Variants in KIRREL2 observed in about 807,000 individuals in gnomAD.
KIRREL2 encodes kin of IRRE-like protein 2.
In KIRREL2, 56 loss-of-function variants were observed where a neutral mutation model predicts 73.4. The ratio of observed to expected loss-of-function variants is 0.76; its 90% CI spans 0.62 to 0.95. The LOEUF is 0.95. KIRREL2 is among the 40% of genes least tolerant of loss of function. KIRREL2 has a pLI of 0.00. For missense variants in KIRREL2, 896 were observed against 935.0 expected, an observed-to-expected ratio of 0.96 and a Z score of 0.54; for synonymous variants, 407 against 404.0, an observed-to-expected ratio of 1.01 and a Z score of -0.09.
chr19:35,866,337 AG>A lies in KIRREL2; in HGVS notation c.1975del (p.Ala659GlnfsTer72), dbSNP rs771368887. The part of the protein sequence containing the change: ...MVPPCRLYRA[R>X]AGYLTTPHPR... ...CCCCCCCTGCAGACTTTACAGAGCC[AG>A]GGCAGGCTATCTCACCACACCCCAC... On this transcript the variant is annotated frameshift_variant, in exon 15 of 15. Coordinates refer to ENST00000360202, the MANE Select transcript of KIRREL2 (RefSeq NM_199180.4). LOFTEE classifies it high-confidence loss of function. 4 of 1,610,154 alleles carry A rather than the reference AG, an allele frequency of 2.5e-6. No individual in the cohort carries two copies. Among genetic ancestry groups the A allele is most frequent in the Non-Finnish European group, 1.7e-6 (2 of 1,177,928 alleles).
chr19:35,861,616 T>C lies in KIRREL2; in HGVS notation c.1265T>C (p.Phe422Ser), dbSNP rs748818561. 6.2e-7 allele frequency: 1 copy of C among 1,613,672 alleles called. No homozygotes were observed. The highest frequency in any genetic ancestry group is 8.5e-7 in the Non-Finnish European group (1 of 1,179,856). ...CCTGCTCGCCTCCAGTGTCTGGTTT[T>C]CGCCTCTCCCGCCCCAGATGCCGTG... ...RGPARLQCLV[F>S]ASPAPDAVVW... Residue 422 changes from phenylalanine to serine, a missense_variant, in exon 10 of 15, where the codon TTC becomes TCC. Physicochemically the swap from Phe to Ser is radical, Grantham distance 155. Transcript: ENST00000360202.
At chr19:35,866,113 C>T (rs779553855) in intron 14 of KIRREL2, 44 bp from the exon 15 acceptor site, 14 of 1,575,058 alleles carry the variant, frequency 8.9e-6, no homozygotes, top group Admixed American at 4.2e-5. Flanking sequence ...CCTCATCCCC[C>T]CTGCACGCTC....
At chr19:35,861,740 C>G in intron 10 of KIRREL2, 65 bp from the exon 11 acceptor site, 1 of 1,584,892 alleles carries the variant, frequency 6.3e-7, no homozygotes. Context: ...ACTTCCCAGA[C>G]ATCCCTCCTG....
rs771567486 is a variant in KIRREL2 at position 35,857,345 on chromosome 19, G to A, written c.62G>A (p.Gly21Asp). ...VLLFCFRGRA[G>D]PSPHFLQQPE... is the part of the protein sequence containing the mutation. ...GCCCTGCTGCCCCGAACTCTCCTAG[G>A]CCCGTCGCCCCATTTCCTGCAACAG... Residue 21 changes from glycine (G) to aspartate (D), a missense_variant and splice_region_variant, in exon 2 of 15, where the codon GGC (glycine) becomes GAC (aspartate). Gly to Asp is a moderately conservative substitution (Grantham distance 94). Transcript: ENST00000360202. The A allele has an allele frequency of 4.3e-6, 7 of 1,612,226 alleles. No homozygotes were observed. In the African/African-American group the frequency reaches 6.7e-5, roughly 15 times the overall value.
chr19:35,857,096 A>C lies in KIRREL2; in HGVS notation c.-24A>C. 6.2e-7 allele frequency: 1 copy of C among 1,613,760 alleles called. No individual in the cohort carries two copies. Among genetic ancestry groups the C allele is most frequent in the African/African-American group, 1.3e-5 (1 of 74,978 alleles). On this transcript the variant is annotated 5_prime_UTR_variant, in exon 1 of 15. Transcript: ENST00000360202. ...TGACGGGAAGGCCAGTGCGACGGCA[A>C]ATCTCGTGAACCTTGGGGGACGAAT...
At chr19:35,851,600 A>C (rs756017240), upstream of KIRREL2, 3 of 1,613,956 alleles carry the variant, frequency 1.9e-6, no homozygotes, top group Non-Finnish European at 1.7e-6. Context: ...GGCCCCCTCC[A>C]CCACCGTCAG....
chr19:35,859,662 T>C (rs775181739), intron 5 of KIRREL2, 31 bp downstream of exon 5: 150 of 1,609,188 alleles, frequency 9.3e-5, no homozygotes, highest in Non-Finnish European at 1.0e-4. Context: ...GAAAGAGGGG[T>C]GTGGGGCCCT....
chr19:35,861,163 GC>G lies in KIRREL2; in HGVS notation c.1101del (p.Glu368ArgfsTer26). On this transcript the variant is annotated frameshift_variant, in exon 9 of 15. Transcript: ENST00000360202. LOFTEE classifies it high-confidence loss of function. ...CCACACTGCGTCTTCCGTCGGTGGG[GC>G]CCGAGGACGCAGGCGACTATGTGTG... The part of the protein sequence containing the change: ...GATLRLPSVG[P>X]EDAGDYVCRA... 6.3e-7 allele frequency: 1 copy of G among 1,589,134 alleles called. No individual in the cohort carries two copies.
rs1416124689 is a variant in KIRREL2, at chr19:35,866,265, C to T, written c.1900C>T (p.Pro634Ser). ...FLPPPSPLGPPGTPTFYDFNP... is the reference protein window; with the variant it reads ...FLPPPSPLGPSGTPTFYDFNP... ...GCCACCACCCTCCCCCCTTGGGCCC[C>T]CAGGGACCCCTACCTTCTATGACTT... The change falls in exon 15 of 15, where the codon CCA becomes TCA. Residue 634 changes from proline to serine, a missense_variant. Physicochemically the swap from Pro to Ser is moderately conservative, Grantham distance 74. Coordinates refer to ENST00000360202, the MANE Select transcript of KIRREL2 (RefSeq NM_199180.4). 2.5e-6 allele frequency: 4 copies of T among 1,611,894 alleles called. No homozygotes were observed. The African/African-American group carries it at 5.3e-5, about 22-fold the overall frequency.
At chr19:35,853,752 G>A (rs1224800146), upstream of KIRREL2, among the ~76,000 whole-genome samples, 1 of 151,160 alleles carries the variant, frequency 6.6e-6, no homozygotes, top group African/African-American at 2.4e-5. Flanking sequence ...GCTCATTGAA[G>A]CCTCAAACCT....
Position 35,861,250 on chromosome 19 carries a change from G to A in KIRREL2, c.1185G>A (p.Val395=), listed in dbSNP as rs756537686. Residue 395 remains valine, a synonymous_variant, in exon 9 of 15, where the codon GTG becomes GTA. Transcript: ENST00000360202. ...RGGAAEARLT[V]NAPPVVTALH... is the part of the protein sequence containing the mutation. The stretch of plus-strand genomic sequence containing the variant: ...GCGCCGCGGAGGCTCGGCTGACTGT[G>A]AACGGTGAGAAGGCGGGGCTTCCTA... 6.5e-7 allele frequency: 1 copy of A among 1,529,170 alleles called. No individual in the cohort carries two copies. Among genetic ancestry groups the A allele is most frequent in the South Asian group, 1.3e-5 (1 of 78,450 alleles). The allele number at this position is 1,529,170 out of a possible 1,614,324, so 94.7% of individuals were successfully genotyped here.
chr19:35,866,897 TACCAGGCCCC>T lies in KIRREL2; in HGVS notation c.*409_*418del, dbSNP rs954031555. 2.2e-5 allele frequency: 5 copies of T among 229,858 alleles called. No homozygotes were observed. Among genetic ancestry groups the T allele is most frequent in the Non-Finnish European group, 4.2e-5 (5 of 119,876 alleles). The allele number at this position is 229,858 out of a possible 1,614,324, so 14.2% of individuals were successfully genotyped here. A position where few individuals can be genotyped will look rare whatever the true frequency, so the allele number is the denominator to read the frequency against. On this transcript the variant is annotated 3_prime_UTR_variant, in exon 15 of 15. Transcript: ENST00000360202. Reference sequence around the variant, plus strand: ...ATAGGATAGATGAAGATGAAGAGCATACCAGGCCCCACCCTGGCTCTCCCTGAGGGGAACT... The same window carrying T: ...ATAGGATAGATGAAGATGAAGAGCATACCCTGGCTCTCCCTGAGGGGAACT...
At chr19:35,861,389 G>T in intron 9 of KIRREL2, 135 bp downstream of exon 9, 2 of 1,473,066 alleles carry the variant, frequency 1.4e-6, no homozygotes, top group Non-Finnish European at 1.8e-6. Context: ...CGGACCTATT[G>T]AAGGCGAGGC....
Position 35,866,731 on chromosome 19 carries a change from T to A in KIRREL2, c.*239T>A, listed in dbSNP as rs1037104129. The A allele has an allele frequency of 3.4e-6, 2 of 590,914 alleles. No homozygotes were observed. The highest frequency in any genetic ancestry group is 3.8e-5 in the African/African-American group (2 of 53,122). 36.6% of individuals were successfully genotyped at this position (590,914 alleles called of 1,614,324 possible). A position where few individuals can be genotyped will look rare whatever the true frequency, so the allele number is the denominator to read the frequency against. On this transcript the variant is annotated 3_prime_UTR_variant, in exon 15 of 15. Transcript: ENST00000360202. ...ACCTATTCCCCGGTGTAAAAGAGATTCAAGATGGCAGGTAGGCCCTTTGAG... is the reference window on the plus strand; with the variant it reads ...ACCTATTCCCCGGTGTAAAAGAGATACAAGATGGCAGGTAGGCCCTTTGAG...
chr19:35,862,683 C>A, intron 12 of KIRREL2, 86 bp downstream of exon 12: 1 of 1,019,336 alleles, frequency 9.8e-7, no homozygotes, highest in Non-Finnish European at 1.5e-6. Flanking sequence ...GGCCTTGGGC[C>A]TTGGCTCCAG....
Position 35,858,530 on chromosome 19 carries a change from TCCAGACCAGCCCA to T in KIRREL2, c.335_347del (p.Ser112TyrfsTer29). On this transcript the variant is annotated frameshift_variant, in exon 3 of 15. Coordinates refer to ENST00000360202, the MANE Select transcript of KIRREL2 (RefSeq NM_199180.4). LOFTEE classifies it high-confidence loss of function. Reference sequence around the variant, plus strand: ...TCAGGCTACACAAGCAGGCCTCCGCTCCAGACCAGCCCAACTGCACGTGCTGGGTAAGGACCTC... The same window carrying T: ...TCAGGCTACACAAGCAGGCCTCCGCTACTGCACGTGCTGGGTAAGGACCTC... 6.2e-7 allele frequency: 1 copy of T among 1,614,086 alleles called. No homozygotes were observed. Among genetic ancestry groups the T allele is most frequent in the Non-Finnish European group, 8.5e-7 (1 of 1,180,028 alleles).
upstream of KIRREL2, among the ~76,000 whole-genome samples, chr19:35,856,344 G>A (rs1973423315): frequency 6.6e-6 from 1 of 152,252 alleles, no homozygotes; most frequent in Non-Finnish European, 1.5e-5. The surrounding 1 kb of genome is among the most constrained non-coding windows in gnomAD (Gnocchi z 5.9). Context: ...GAAAGGAGGG[G>A]CCGAGGGCCT....
intron 13 of KIRREL2, 35 bp downstream of exon 13, chr19:35,863,071 T>A (rs1185150300): frequency 8.2e-7 from 1 of 1,212,796 alleles, no homozygotes; most frequent in Non-Finnish European, 1.2e-6. Context: ...TGACTGTGCC[T>A]CCAGACCTAA....
Position 35,860,593 on chromosome 19 carries a change from T to C in KIRREL2, c.854T>C (p.Leu285Pro). The C allele has an allele frequency of 6.2e-7, 1 of 1,603,806 alleles. No homozygotes were observed. The highest frequency in any genetic ancestry group is 8.5e-7 in the Non-Finnish European group (1 of 1,179,950). Residue 285 changes from leucine (L) to proline (P), a missense_variant, in exon 7 of 15, where the codon CTG (leucine) becomes CCG (proline). Transcript: ENST00000360202. ...RLEVVADASF[L>P]TEPVSCEVSN... ...GAGGTCGTGGCAGACGCCTCGTTCCTGACTGAGCCCGTGTCCTGCGAGGTC... is the reference window on the plus strand; with the variant it reads ...GAGGTCGTGGCAGACGCCTCGTTCCCGACTGAGCCCGTGTCCTGCGAGGTC...
Sources: allele counts gnomAD v4.1 joint callset (sites outside exome capture counted in the v4.1 genomes callset), GRCh38; gene constraint gnomAD v4.1.1; non-coding constraint Gnocchi (gnomAD v3.1); transcripts MANE v1.5; gene names NCBI Gene and HGNC (gene_info 2026-07-23, HGNC 2026-07-21).